Variants in ZNF345 observed in about 807,000 individuals in gnomAD.
The protein encoded by ZNF345 is zinc finger protein HZF10.
For synonymous variants in ZNF345, 166 were observed against 187.9 expected, an observed-to-expected ratio of 0.88 and a Z score of 0.95; for missense variants, 527 against 589.9, an observed-to-expected ratio of 0.89 and a Z score of 1.10.
At chr19:36,865,559 C>T (rs921671209) in intron 2 of ZNF345, among the ~76,000 whole-genome samples, 2 of 152,168 alleles carry the variant, frequency 1.3e-5, no homozygotes, top group Non-Finnish European at 2.9e-5. Context: ...CTCCCAGGTT[C>T]ACGTGATTCT....
intron 2 of ZNF345, among the ~76,000 whole-genome samples, chr19:36,874,766 C>T (rs377657835): frequency 6.6e-6 from 1 of 152,144 alleles, no homozygotes; most frequent in African/African-American, 2.4e-5. Context: ...GCAACAAGAG[C>T]GAAACTCCAT....
chr19:36,892,715 G>T, intron 3 of ZNF345: 1 of 582,434 alleles, frequency 1.7e-6, no homozygotes, highest in Non-Finnish European at 2.9e-6. Flanking sequence ...GTCTGAACCA[G>T]AGTCACCTTA....
chr19:36,892,366 A>C, intron 3 of ZNF345: 1 of 1,613,652 alleles, frequency 6.2e-7, no homozygotes, highest in Non-Finnish European at 8.5e-7. Context: ...TGGAATAAGA[A>C]ATGTGGGCTG....
At position 36,879,445 on chromosome 19, in the gene ZNF345, C is replaced by T. The variant is rs1369039885; in HGVS notation, c.*1148C>T. 1.8e-5 allele frequency: 3 copies of T among 167,024 alleles called. No homozygotes were observed. Among genetic ancestry groups the T allele is most frequent in the East Asian group, 1.9e-4 (1 of 5,202 alleles). The allele number at this position is 167,024 out of a possible 1,614,324, so 10.3% of individuals were successfully genotyped here. A position where few individuals can be genotyped will look rare whatever the true frequency, so the allele number is the denominator to read the frequency against. On this transcript the variant is annotated 3_prime_UTR_variant, in exon 3 of 3. Coordinates refer to ENST00000420450, the MANE Select transcript of ZNF345 (RefSeq NM_001242472.2). ...GGAAACAAGGTGTGATTATGCTATA[C>T]TATAACCAGCCCTTAATATTTTTTG...
intron 2 of ZNF345, among the ~76,000 whole-genome samples, chr19:36,863,956 T>G (rs1422737419): frequency 6.6e-6 from 1 of 152,212 alleles, no homozygotes; most frequent in Non-Finnish European, 1.5e-5. Context: ...CATGGAACTC[T>G]GCACTGCAGT....
intron 2 of ZNF345, among the ~76,000 whole-genome samples, chr19:36,868,377 C>T (rs543001732): frequency 6.6e-6 from 1 of 152,174 alleles, no homozygotes; most frequent in South Asian, 2.1e-4. Flanking sequence ...ATTTCTTTCT[C>T]CATTCAGTGG....
downstream of ZNF345, among the ~76,000 whole-genome samples, chr19:36,880,934 A>G (rs1355811383): frequency 6.7e-6 from 1 of 149,642 alleles, no homozygotes; most frequent in African/African-American, 2.6e-5. Context: ...TAAAGAAATT[A>G]TAAATAAAGA....
intron 2 of ZNF345, among the ~76,000 whole-genome samples, chr19:36,861,306 G>A (rs1371233719): frequency 6.6e-6 from 1 of 152,156 alleles, no homozygotes; most frequent in Non-Finnish European, 1.5e-5. Flanking sequence ...TCCTTGCAAT[G>A]TGAATATTTG....
chr19:36,868,996 T>G (rs2072721498), intron 2 of ZNF345, among the ~76,000 whole-genome samples: 1 of 152,184 alleles, frequency 6.6e-6, no homozygotes, highest in Admixed American at 6.5e-5. Context: ...CATCTTCATG[T>G]TAAGTCTTCT....
At chr19:36,883,476 C>T (rs1020344941), downstream of ZNF345, among the ~76,000 whole-genome samples, 1 of 152,180 alleles carries the variant, frequency 6.6e-6, no homozygotes, top group African/African-American at 2.4e-5. Context: ...CGTTCAGTAG[C>T]CTTCTCTACA....
At chr19:36,884,109 C>T (rs923239104), downstream of ZNF345, among the ~76,000 whole-genome samples, 4 of 152,058 alleles carry the variant, frequency 2.6e-5, no homozygotes, top group Non-Finnish European at 4.4e-5. Flanking sequence ...CCTGTTGCCC[C>T]GGCTGGAGTG....
intron 3 of ZNF345, chr19:36,888,238 T>C (rs960830978): frequency 6.6e-6 from 1 of 152,194 alleles, no homozygotes; most frequent in African/African-American, 2.4e-5. Flanking sequence ...TGTGCTGTCT[T>C]GTTTGATCAA....
At chr19:36,890,703 A>T (rs1600726135) in intron 3 of ZNF345, 1 of 151,226 alleles carries the variant, frequency 6.6e-6, no homozygotes, top group East Asian at 2.0e-4. Flanking sequence ...AAAAAAAAAA[A>T]AAATTAGCCG....
chr19:36,855,235 C>T (rs1219158308), intron 2 of ZNF345, among the ~76,000 whole-genome samples: 3 of 151,174 alleles, frequency 2.0e-5, no homozygotes, highest in Non-Finnish European at 3.0e-5. Flanking sequence ...CTCCGCCTCC[C>T]GGGTTCACGC....
intron 2 of ZNF345, among the ~76,000 whole-genome samples, chr19:36,856,621 C>T (rs1316823540): frequency 1.3e-5 from 2 of 151,984 alleles, no homozygotes; most frequent in East Asian, 1.9e-4. Context: ...ATTGGGAGGC[C>T]GAGGCAGGCG....
At chr19:36,892,499 T>C in intron 3 of ZNF345, 1 of 1,532,792 alleles carries the variant, frequency 6.5e-7, no homozygotes, top group Non-Finnish European at 8.7e-7. Flanking sequence ...GGCAAATAAA[T>C]TTTCCTATTC....
rs758917124 is a variant in ZNF345 at position 36,891,719 on chromosome 19, T to C, written c.47-1099T>C. 3.1e-6 allele frequency: 5 copies of C among 1,614,136 alleles called. No homozygotes were observed. In the East Asian group the frequency reaches 1.1e-4, roughly 36 times the overall value. Reference sequence around the variant, plus strand: ...TCTGAGCTCTGAATAAAGGCCTTTCTACATTCTTCACATTCATAGAGCTTC... The same window carrying C: ...TCTGAGCTCTGAATAAAGGCCTTTCCACATTCTTCACATTCATAGAGCTTC... On this transcript the variant is annotated intron_variant, in intron 3 of 3. Transcript: ENST00000526123.
intron 3 of ZNF345, chr19:36,891,865 G>T (rs900526065): frequency 6.2e-7 from 1 of 1,614,064 alleles, no homozygotes; most frequent in Non-Finnish European, 8.5e-7. Context: ...AATAAGCCTT[G>T]AGTGTTGAGT....
chr19:36,857,821 C>A (rs907029733), intron 2 of ZNF345, among the ~76,000 whole-genome samples: 2 of 152,036 alleles, frequency 1.3e-5, no homozygotes, highest in Admixed American at 1.3e-4. Flanking sequence ...TCTTGTCACC[C>A]CGGCTGGAGT....
Sources: allele counts gnomAD v4.1 joint callset (sites outside exome capture counted in the v4.1 genomes callset), GRCh38; gene constraint gnomAD v4.1.1; transcripts MANE v1.5; gene names NCBI Gene and HGNC (gene_info 2026-07-23, HGNC 2026-07-21).